KCNH3: variants seen among roughly 807,000 people sequenced by gnomAD.
KCNH3 encodes the protein voltage-gated inwardly rectifying potassium channel KCNH3.
A neutral mutation model predicts 95.6 loss-of-function variants in KCNH3; 36 were observed. That is an observed-to-expected ratio of 0.38 (90% confidence interval 0.29 to 0.50). The LOEUF (loss-of-function observed/expected upper bound fraction) is 0.50. KCNH3 is among the 20% of genes least tolerant of loss of function. The probability of loss-of-function intolerance (pLI) is 0.95; values close to 1 mark genes in which losing one functional copy is unlikely to be tolerated. For missense variants in KCNH3, 1,030 were observed against 1,484.1 expected (o/e 0.69, Z 5.03); for synonymous variants, 620 against 646.3 (o/e 0.96, Z 0.62).
chr12:49,540,157 C>G (rs550162701), intron 1 of KCNH3, among the ~76,000 whole-genome samples: 16 of 152,266 alleles, frequency 1.1e-4, no homozygotes, highest in African/African-American at 3.8e-4. Context: ...TCACATCCCC[C>G]GTGGGGCTTC....
Position 49,551,592 on chromosome 12 carries a change from A to G in KCNH3, c.1918+1263A>G, listed in dbSNP as rs554348041. Among the ~76,000 whole-genome samples, 143 of 151,580 alleles carry G rather than the reference A, an allele frequency of 9.4e-4. 1 individual carries two copies. The highest frequency in any genetic ancestry group is 2.5e-3 in the South Asian group (12 of 4,794). ...TCTGTCTCAAAAAAAAAAAAAAAAA[A>G]AAAAAAGAAAAGCCACTAAAGAGGA... On this transcript the variant is annotated intron_variant, in intron 10 of 14. Coordinates refer to ENST00000257981, the MANE Select transcript of KCNH3 (RefSeq NM_012284.3).
chr12:49,551,680 G>A (rs149180152), intron 10 of KCNH3, among the ~76,000 whole-genome samples: 2,387 of 152,114 alleles, frequency 0.016, 61 homozygotes, highest in African/African-American at 0.054. Context: ...ACATGTGACC[G>A]GTGTGGGTAG....
chr12:49,557,406 T>C lies in KCNH3; in HGVS notation c.2705T>C (p.Leu902Pro). Residue 902 changes from leucine (L) to proline (P), a missense_variant, in exon 15 of 15, where the codon CTT becomes CCT. Physicochemically the swap from Leu to Pro is moderately conservative, Grantham distance 98. Around this residue, in one of 9 missense-constraint regions of KCNH3, gnomAD observed 464 missense variants for 493.2 expected, o/e 0.94. Transcript: ENST00000257981. ...VLQMREGLQS[L>P]RQAVQLVLAP... ...CAGATGCGGGAAGGACTGCAGTCAC[T>C]TCGCCAGGCTGTGCAGCTTGTCCTG... 1 of 1,600,170 alleles carries C rather than the reference T, an allele frequency of 6.2e-7. No homozygotes were observed. The highest frequency in any genetic ancestry group is 8.5e-7 in the Non-Finnish European group (1 of 1,170,910).
chr12:49,556,241 T>C, intron 12 of KCNH3, 129 bp from the exon 13 acceptor site: 1 of 724,562 alleles, frequency 1.4e-6, no homozygotes, highest in Non-Finnish European at 2.4e-6. Context: ...ATGTTAGCTT[T>C]CTCCTGGGCT....
intron 7 of KCNH3, 74 bp from the exon 8 acceptor site, chr12:49,548,821 G>T: frequency 7.0e-7 from 1 of 1,436,800 alleles, no homozygotes; most frequent in Non-Finnish European, 9.3e-7. Flanking sequence ...GTGTCTGCGT[G>T]TCCCCACCCC....
At position 49,549,975 on chromosome 12, in the gene KCNH3, C is replaced by T; in HGVS notation, c.1669-105C>T. The T allele has an allele frequency of 2.4e-6, 3 of 1,257,890 alleles. No individual in the cohort carries two copies. In the South Asian group the frequency reaches 4.4e-5, roughly 18 times the overall value. 77.9% of individuals were successfully genotyped at this position (1,257,890 alleles called of 1,614,324 possible). Reference sequence around the variant, plus strand: ...AGAGAGGCCTCAGGTCCCTCCCATGCCTCCCCTGTTCCTGAGGCCTGCCAG... The same window carrying T: ...AGAGAGGCCTCAGGTCCCTCCCATGTCTCCCCTGTTCCTGAGGCCTGCCAG... On this transcript the variant is annotated intron_variant, in intron 9 of 14. Transcript: ENST00000257981.
At chr12:49,553,931 C>T (rs1938344950) in intron 10 of KCNH3, among the ~76,000 whole-genome samples, 1 of 152,244 alleles carries the variant, frequency 6.6e-6, no homozygotes, top group Admixed American at 6.5e-5. Flanking sequence ...TGTGGGGTCT[C>T]CCATAGATAC....
intron 10 of KCNH3, 60 bp from the exon 11 acceptor site, chr12:49,554,277 C>CT: frequency 2.9e-6 from 4 of 1,383,052 alleles, no homozygotes; most frequent in Non-Finnish European, 4.1e-6. Flanking sequence ...CTGCAGCCCC[C>CT]TCTTCTCTCC....
At chr12:49,540,755 T>C in intron 1 of KCNH3, 144 bp from the exon 2 acceptor site, 1 of 634,724 alleles carries the variant, frequency 1.6e-6, no homozygotes, top group Admixed American at 2.5e-5. Flanking sequence ...CTGATTGCTA[T>C]TCATAAACAG....
At position 49,555,670 on chromosome 12, in the gene KCNH3, G is replaced by A. The variant is rs781236039; in HGVS notation, c.2187G>A (p.Glu729=). 6.3e-7 allele frequency: 1 copy of A among 1,598,530 alleles called. No homozygotes were observed. The highest frequency in any genetic ancestry group is 8.5e-7 in the Non-Finnish European group (1 of 1,170,444). Residue 729 remains glutamate, a synonymous_variant, in exon 12 of 15, where the codon GAG becomes GAA. Transcript: ENST00000257981. The part of the protein sequence containing the change: ...SGDNTLMSTL[E]EKETDGEQGP... ...ACAATACCCTTATGTCCACGCTGGA[G>A]GAGAAGGAGACAGATGGGGAGCAGG...
chr12:49,542,666 C>T (rs1180496551), intron 3 of KCNH3, 40 bp from the exon 4 acceptor site: 19 of 1,539,976 alleles, frequency 1.2e-5, no homozygotes, highest in Non-Finnish European at 1.6e-5. Flanking sequence ...GGTGTGTGGG[C>T]ACACACCCAT....
rs1938540605 is a variant in KCNH3, at chr12:49,557,971, C to T, written c.*18C>T. The T allele has an allele frequency of 1.4e-6, 2 of 1,452,378 alleles. No individual in the cohort carries two copies. Among genetic ancestry groups the T allele is most frequent in the Admixed American group, 2.4e-5 (1 of 41,726 alleles). The allele number at this position is 1,452,378 out of a possible 1,614,324, so 90.0% of individuals were successfully genotyped here. A position where few individuals can be genotyped will look rare whatever the true frequency, so the allele number is the denominator to read the frequency against. ...GGGTCTGAGTACCAGCCCTAGAACT[C>T]AGCGTTGCCAGGTGTGCTGCCATCT... On this transcript the variant is annotated 3_prime_UTR_variant, in exon 15 of 15. Coordinates refer to ENST00000257981, the MANE Select transcript of KCNH3 (RefSeq NM_012284.3).
intron 6 of KCNH3, 33 bp from the exon 7 acceptor site, chr12:49,544,142 C>CCCGG: frequency 9.9e-7 from 1 of 1,014,530 alleles, no homozygotes; most frequent in Non-Finnish European, 1.5e-6. Flanking sequence ...CCGCTGACCT[C>CCCGG]CCTCCCTCCC....
At position 49,542,692 on chromosome 12, in the gene KCNH3, C is replaced by T. The variant is rs1937911659; in HGVS notation, c.446-14C>T. ...ACACACCCATCATCTTCATGGGCCCCTCTTCTTTCGCAGGTGGTGGCCGGC... is the reference window on the plus strand; with the variant it reads ...ACACACCCATCATCTTCATGGGCCCTTCTTCTTTCGCAGGTGGTGGCCGGC... On this transcript the variant is annotated splice_polypyrimidine_tract_variant and intron_variant, in intron 3 of 14. Coordinates refer to ENST00000257981, the MANE Select transcript of KCNH3 (RefSeq NM_012284.3). The T allele has an allele frequency of 2.6e-6, 4 of 1,562,162 alleles. No individual in the cohort carries two copies. The highest frequency in any genetic ancestry group is 4.7e-5 in the East Asian group (2 of 42,130).
rs1020277386 is a variant in KCNH3, at chr12:49,540,767, C to T, written c.77-132C>T. 2.2e-5 allele frequency: 15 copies of T among 667,580 alleles called. 1 individual carries two copies. The highest frequency in any genetic ancestry group is 3.9e-5 in the Non-Finnish European group (15 of 379,958). 41.4% of individuals were successfully genotyped at this position (667,580 alleles called of 1,614,324 possible). On this transcript the variant is annotated intron_variant, in intron 1 of 14. Transcript: ENST00000257981. Reference sequence around the variant, plus strand: ...ACACTGATTGCTATTCATAAACAGCCCTGCCTTAACACACGCAGGATTCCT... The same window carrying T: ...ACACTGATTGCTATTCATAAACAGCTCTGCCTTAACACACGCAGGATTCCT...
chr12:49,549,804 C>T (rs960662614), intron 9 of KCNH3, among the ~76,000 whole-genome samples, 164 bp downstream of exon 9: 4 of 152,212 alleles, frequency 2.6e-5, no homozygotes, highest in African/African-American at 7.2e-5. Flanking sequence ...GCTAAGAAGG[C>T]TTGGAGGGCC....
intron 3 of KCNH3, 140 bp from the exon 4 acceptor site, chr12:49,542,566 T>G: frequency 9.8e-7 from 1 of 1,024,912 alleles, no homozygotes; most frequent in Non-Finnish European, 1.4e-6. Flanking sequence ...GAGGAATACC[T>G]GAGCCCCCAA....
chr12:49,543,235 A>T lies in KCNH3; in HGVS notation c.580-40A>T, dbSNP rs761930558. ...CTATCCAAACTCAGCCTGTGCCAAT[A>T]TTCTTTCCTCTCTGCCTGGACCTGC... On this transcript the variant is annotated intron_variant, in intron 4 of 14. Coordinates refer to ENST00000257981, the MANE Select transcript of KCNH3 (RefSeq NM_012284.3). The T allele has an allele frequency of 3.8e-6, 6 of 1,599,656 alleles. No homozygotes were observed. In the South Asian group the frequency reaches 4.5e-5, roughly 12 times the overall value.
intron 1 of KCNH3, among the ~76,000 whole-genome samples, 169 bp from the exon 2 acceptor site, chr12:49,540,730 A>G (rs966976737): frequency 1.3e-5 from 2 of 152,252 alleles, no homozygotes; most frequent in Admixed American, 1.3e-4. Flanking sequence ...GGCACTGACA[A>G]ACAGGTGACA....
Sources: allele counts gnomAD v4.1 joint callset (sites outside exome capture counted in the v4.1 genomes callset), GRCh38; gene constraint gnomAD v4.1.1; regional missense constraint gnomAD v4.1.1; transcripts MANE v1.5; gene names NCBI Gene and HGNC (gene_info 2026-07-23, HGNC 2026-07-21).